The following FRZB variants were observed in gnomAD, a reference collection of about 807,000 sequenced individuals.
FRZB encodes the protein frizzled related protein, also known as secreted frizzled-related protein 3.
FRZB carries 34 observed loss-of-function variants against 32.5 expected under a neutral mutation model. The observed-to-expected ratio is 1.05, with a 90% CI of 0.80 to 1.39. FRZB has a LOEUF of 1.39. FRZB is among the 40% of genes most tolerant of loss of function. FRZB has a pLI of 0.00. For missense variants in FRZB, 423 were observed against 424.8 expected, an observed-to-expected ratio of 1.00 and a Z score of 0.04; for synonymous variants, 170 against 159.2, an observed-to-expected ratio of 1.07 and a Z score of -0.51.
At chr2:182,842,653 C>T (rs1053242831) in intron 2 of FRZB, 110 bp from the exon 3 acceptor site, 2 of 749,964 alleles carry the variant, frequency 2.7e-6, no homozygotes, top group African/African-American at 1.8e-5. Flanking sequence ...GGTGAGAAGG[C>T]TCTTGTCAAT....
chr2:182,866,632 G>T lies in FRZB; in HGVS notation c.-80C>A. 1 of 1,019,270 alleles carries T rather than the reference G, an allele frequency of 9.8e-7. No individual in the cohort carries two copies. The highest frequency in any genetic ancestry group is 1.4e-6 in the Non-Finnish European group (1 of 730,144). 63.1% of individuals were successfully genotyped at this position (1,019,270 alleles called of 1,614,324 possible). On this transcript the variant is annotated 5_prime_UTR_variant, in exon 1 of 6. Coordinates refer to ENST00000295113, the MANE Select transcript of FRZB (RefSeq NM_001463.4). The surrounding 1 kb of genome is among the most constrained non-coding windows in gnomAD (Gnocchi z 4.5). The stretch of plus-strand genomic sequence containing the variant: ...CTCCGCCGTCTCCGCCTCCCCCGCT[G>T]CAAGTGGACACAAGGATCTGGGAGC...
In FRZB at chr2:182,854,731, C is replaced by T. The variant is rs1340651018; in HGVS notation, c.526+4055G>A. Among the ~76,000 whole-genome samples the T allele has an allele frequency of 2.0e-5, 3 of 152,304 alleles. No individual in the cohort carries two copies. The East Asian group carries it at 5.8e-4, about 29-fold the overall frequency. ...AGTTCCAAAAGACTGGGGCAAATCC[C>T]CATTACTTTGTCTCTCTCTCTCTTT... On this transcript the variant is annotated intron_variant, in intron 2 of 5. Transcript: ENST00000295113.
intron 2 of FRZB, among the ~76,000 whole-genome samples, chr2:182,846,679 T>C (rs749820884): frequency 1.3e-5 from 2 of 152,092 alleles, no homozygotes; most frequent in African/African-American, 2.4e-5. Flanking sequence ...TTAAAACACA[T>C]AGGAGCAAAG....
Position 182,866,038 on chromosome 2 carries a change from G to T in FRZB, c.478+37C>A. 6.6e-7 allele frequency: 1 copy of T among 1,517,380 alleles called. No individual in the cohort carries two copies. Among genetic ancestry groups the T allele is most frequent in the Non-Finnish European group, 9.1e-7 (1 of 1,104,154 alleles). The allele number at this position is 1,517,380 out of a possible 1,614,324, so 94.0% of individuals were successfully genotyped here. ...AAGGACTCCAAGAATTGAGGAGGCT[G>T]TAGGGTAAGGGAAGGGTGGGCCGTG... On this transcript the variant is annotated intron_variant, in intron 1 of 5. Transcript: ENST00000295113. This position sits in a 1 kb window ranked among gnomAD's most constrained non-coding sequence, Gnocchi z 4.5.
At chr2:182,865,523 T>C (rs1695880682) in intron 1 of FRZB, among the ~76,000 whole-genome samples, 1 of 152,234 alleles carries the variant, frequency 6.6e-6, no homozygotes, top group Non-Finnish European at 1.5e-5. Flanking sequence ...CACATACCCC[T>C]AACATCTGTC....
chr2:182,866,424 G>GCA lies in FRZB; in HGVS notation c.127_128dup (p.Lys44AlafsTer8), dbSNP rs773870271. The GCA allele has an allele frequency of 6.2e-7, 1 of 1,603,746 alleles. No homozygotes were observed. The highest frequency in any genetic ancestry group is 8.5e-7 in the Non-Finnish European group (1 of 1,173,478). On this transcript the variant is annotated frameshift_variant, in exon 1 of 6. Transcript: ENST00000295113. LOFTEE classifies it high-confidence loss of function. The surrounding 1 kb of genome is among the most constrained non-coding windows in gnomAD (Gnocchi z 4.5). ...TAGTCATGTTCCAGGGCAGGGACTT[G>GCA]CACAGGGGGATGCGGACGGGCTCAC...
rs757248859 is a variant in FRZB at position 182,838,016 on chromosome 2, AT to A, written c.798-6del. On this transcript the variant is annotated splice_polypyrimidine_tract_variant and splice_region_variant and intron_variant, in intron 4 of 5. Coordinates refer to ENST00000295113, the MANE Select transcript of FRZB (RefSeq NM_001463.4). ...GAGCCTTCCACCAAGAGTAATCTGTATTTTTGAAAGAAGCAAACATTTTTGA... is the reference window on the plus strand; with the variant it reads ...GAGCCTTCCACCAAGAGTAATCTGTATTTTGAAAGAAGCAAACATTTTTGA... 8 of 1,609,190 alleles carry A rather than the reference AT, an allele frequency of 5.0e-6. No homozygotes were observed. In the East Asian group the frequency reaches 1.8e-4, roughly 36 times the overall value.
chr2:182,851,677 A>C (rs888819879), intron 2 of FRZB, among the ~76,000 whole-genome samples: 70 of 152,220 alleles, frequency 4.6e-4, no homozygotes, highest in African/African-American at 1.6e-3. Context: ...ACAAAACAAA[A>C]AACAAAAAAA....
At chr2:182,862,037 T>C (rs537485461) in intron 1 of FRZB, among the ~76,000 whole-genome samples, 48 of 152,322 alleles carry the variant, frequency 3.2e-4, no homozygotes, top group African/African-American at 1.1e-3. Context: ...ATTTCTCCTT[T>C]CCATTTTCCT....
intron 4 of FRZB, 92 bp downstream of exon 4, chr2:182,838,317 T>C: frequency 2.8e-6 from 3 of 1,072,006 alleles, no homozygotes. Flanking sequence ...CAGATCCCAA[T>C]GTAAAAATGC....
Position 182,842,370 on chromosome 2 carries a change from C to A in FRZB, c.592+108G>T, listed in dbSNP as rs1015885456. ...AAAAATAGTCCTTCTGTTTTTAAGC[C>A]TTATTCTTAAATGGCTCCACTCGTT... On this transcript the variant is annotated intron_variant, in intron 3 of 5. Transcript: ENST00000295113. 13 of 797,932 alleles carry A rather than the reference C, an allele frequency of 1.6e-5. No homozygotes were observed. The Admixed American group carries it at 2.1e-4, about 13-fold the overall frequency. The allele number at this position is 797,932 out of a possible 1,614,324, so 49.4% of individuals were successfully genotyped here.
intron 2 of FRZB, among the ~76,000 whole-genome samples, chr2:182,856,365 T>A (rs190650470): frequency 6.6e-4 from 100 of 151,974 alleles, no homozygotes; most frequent in Non-Finnish European, 1.2e-3. Context: ...CATACGTGTG[T>A]GTGTGTGAGA....
chr2:182,860,683 A>T (rs1320824027), intron 1 of FRZB, among the ~76,000 whole-genome samples: 1 of 152,134 alleles, frequency 6.6e-6, no homozygotes, highest in East Asian at 1.9e-4. Context: ...CCTGGCCAAC[A>T]TGGCGAAAAC....
At chr2:182,842,301 GTGT>G (rs1695594840) in intron 3 of FRZB, among the ~76,000 whole-genome samples, 174 bp downstream of exon 3, 1 of 152,116 alleles carries the variant, frequency 6.6e-6, no homozygotes, top group African/African-American at 2.4e-5. Context: ...CATTTTGCCC[GTGT>G]GAGACATTTT....
intron 2 of FRZB, among the ~76,000 whole-genome samples, chr2:182,848,148 G>A (rs186134267): frequency 6.6e-6 from 1 of 152,046 alleles, no homozygotes; most frequent in Non-Finnish European, 1.5e-5. Context: ...GGCAAAGAAT[G>A]GGATTCTTAG....
At chr2:182,858,340 T>C (rs1405742817) in intron 2 of FRZB, among the ~76,000 whole-genome samples, 1 of 152,208 alleles carries the variant, frequency 6.6e-6, no homozygotes, top group Non-Finnish European at 1.5e-5. Context: ...ACCATTGATA[T>C]ATGCAGCAAT....
In FRZB at chr2:182,834,925, CTT is replaced by C; in HGVS notation, c.900_901del (p.Ser301Ter). On this transcript the variant is annotated frameshift_variant, in exon 6 of 6. Coordinates refer to ENST00000295113, the MANE Select transcript of FRZB (RefSeq NM_001463.4). LOFTEE classifies it high-confidence loss of function. ...AGTGGAATCACTATTGCTAGAATCA[CTT>C]TTACTGAGTCCAAGATGACGAAGCT... The C allele has an allele frequency of 6.2e-7, 1 of 1,613,340 alleles. No homozygotes were observed. Among genetic ancestry groups the C allele is most frequent in the Non-Finnish European group, 8.5e-7 (1 of 1,179,534 alleles).
chr2:182,848,554 TAACA>T (rs1194310642), intron 2 of FRZB, among the ~76,000 whole-genome samples: 1 of 151,944 alleles, frequency 6.6e-6, no homozygotes, highest in African/African-American at 2.4e-5. Flanking sequence ...CCTAGGGCAT[TAACA>T]AACAAACAAA....
intron 1 of FRZB, among the ~76,000 whole-genome samples, chr2:182,864,786 G>A (rs1011497311): frequency 1.3e-5 from 2 of 152,080 alleles, no homozygotes; most frequent in Non-Finnish European, 2.9e-5. Context: ...CCTAGACTGC[G>A]CAAGTTGAAA....
Sources: allele counts gnomAD v4.1 joint callset (sites outside exome capture counted in the v4.1 genomes callset), GRCh38; gene constraint gnomAD v4.1.1; non-coding constraint Gnocchi (gnomAD v3.1); transcripts MANE v1.5; gene names NCBI Gene and HGNC (gene_info 2026-07-23, HGNC 2026-07-21).